Variants in DAB1 observed in about 807,000 individuals in gnomAD.
DAB1 encodes DAB adaptor protein 1, also known as disabled homolog 1.
Under a neutral mutation model 64.6 loss-of-function variants are expected in DAB1, and 15 were observed. The ratio of observed to expected loss-of-function variants is 0.23; its 90% CI spans 0.16 to 0.36. DAB1 has a LOEUF of 0.36. Among genes scored for constraint, DAB1 ranks in the 10% least tolerant of loss-of-function variants. The pLI, the probability that DAB1 is intolerant of heterozygous loss-of-function variation, is 1.00. For missense variants in DAB1, 596 were observed against 706.7 expected, an observed-to-expected ratio of 0.84 and a Z score of 1.78; for synonymous variants, 235 against 251.9, an observed-to-expected ratio of 0.93 and a Z score of 0.64.
At chr1:58,197,565 T>G (rs1360563520) in intron 4 of DAB1, among the ~76,000 whole-genome samples, 9 of 151,922 alleles carry the variant, frequency 5.9e-5, no homozygotes, top group East Asian at 1.9e-4. Flanking sequence ...CTAGTTTTTT[T>G]TGTGTTTTTT....
chr1:57,240,621 C>G (rs1329568449), intron 2 of DAB1, among the ~76,000 whole-genome samples: 1 of 152,002 alleles, frequency 6.6e-6, no homozygotes, highest in Non-Finnish European at 1.5e-5. Flanking sequence ...GATTGTATGC[C>G]CAATATTGCT....
At chr1:57,822,703 G>A (rs1010330810), downstream of DAB1, among the ~76,000 whole-genome samples, 15 of 152,094 alleles carry the variant, frequency 9.9e-5, no homozygotes, top group Middle Eastern at 3.4e-3. Context: ...GAAATATAAC[G>A]TCAGCCACAT....
chr1:57,397,959 C>G (rs941334937), intron 1 of DAB1, among the ~76,000 whole-genome samples: 5 of 152,186 alleles, frequency 3.3e-5, no homozygotes, highest in African/African-American at 1.2e-4. Flanking sequence ...AGTGTTTAGC[C>G]TGTTATTCTG....
chr1:58,273,784 TC>T (rs1161834714), intron 4 of DAB1, among the ~76,000 whole-genome samples: 2 of 85,028 alleles, frequency 2.4e-5, no homozygotes, highest in East Asian at 1.0e-3. Context: ...TGATACCCTT[TC>T]TTCCAGTTGA....
At chr1:58,160,205 T>C (rs1315011833) in intron 4 of DAB1, among the ~76,000 whole-genome samples, 1 of 151,634 alleles carries the variant, frequency 6.6e-6, no homozygotes, top group Non-Finnish European at 1.5e-5. Context: ...TAAGGAGGGG[T>C]GGTAAGAGCT....
At chr1:57,389,460 C>A (rs1442089288) in intron 1 of DAB1, among the ~76,000 whole-genome samples, 1 of 152,114 alleles carries the variant, frequency 6.6e-6, no homozygotes, top group African/African-American at 2.4e-5. Flanking sequence ...CTGCTTTGTA[C>A]CCATGTGGGT....
intron 5 of DAB1, among the ~76,000 whole-genome samples, chr1:58,134,630 C>G (rs145093262): frequency 2.0e-5 from 3 of 152,290 alleles, no homozygotes; most frequent in African/African-American, 7.2e-5. Flanking sequence ...GAAGCAGGCA[C>G]ATTTCACATG....
At chr1:57,764,376 T>A (rs1295467407) in intron 6 of DAB1, among the ~76,000 whole-genome samples, 1 of 152,214 alleles carries the variant, frequency 6.6e-6, no homozygotes, top group East Asian at 1.9e-4. Context: ...CATGTAGTGA[T>A]CAAATCATTG....
intron 6 of DAB1, among the ~76,000 whole-genome samples, chr1:57,819,827 T>A (rs971805376): frequency 7.9e-5 from 12 of 152,164 alleles, no homozygotes; most frequent in Middle Eastern, 3.2e-3. Context: ...TAGCACAGAA[T>A]AATAGCTTTA....
chr1:57,439,419 T>TTTTTTTTTTTTTTTTTTTTTTG (rs1558381247), intron 7 of DAB1, among the ~76,000 whole-genome samples: 1 of 114,276 alleles, frequency 8.8e-6, no homozygotes, highest in South Asian at 3.0e-4. Context: ...GGTGATGAGG[T>TTTTTTTTTTTTTTTTTTTTTTG]TTTTTCTTTT....
intron 5 of DAB1, among the ~76,000 whole-genome samples, chr1:57,926,261 ACT>A (rs1213780895): frequency 8.8e-6 from 1 of 113,376 alleles, no homozygotes; most frequent in Non-Finnish European, 2.1e-5. Flanking sequence ...CGTCCATAAA[ACT>A]CTCTGAGTTC....
intron 3 of DAB1, among the ~76,000 whole-genome samples, chr1:58,476,712 G>A (rs757063874): frequency 3.9e-5 from 6 of 152,116 alleles, no homozygotes; most frequent in Admixed American, 2.6e-4. Flanking sequence ...GTATACATAC[G>A]CTTAAAATGG....
intron 6 of DAB1, among the ~76,000 whole-genome samples, chr1:57,797,974 G>C (rs1650949066): frequency 6.6e-6 from 1 of 152,164 alleles, no homozygotes; most frequent in Non-Finnish European, 1.5e-5. Context: ...CTAGTAGTGT[G>C]GTTAAAACCT....
At chr1:58,045,153 G>GA (rs1647210964) in intron 5 of DAB1, among the ~76,000 whole-genome samples, 1 of 152,186 alleles carries the variant, frequency 6.6e-6, no homozygotes, top group African/African-American at 2.4e-5. Context: ...AGAGGATCCT[G>GA]AATCCTGACA....
intron 1 of DAB1, among the ~76,000 whole-genome samples, chr1:57,361,179 G>C (rs2100897724): frequency 6.6e-6 from 1 of 152,254 alleles, no homozygotes; most frequent in East Asian, 1.9e-4. Flanking sequence ...AGAAGAAACT[G>C]CAATTACAGA....
intron 7 of DAB1, among the ~76,000 whole-genome samples, chr1:57,465,758 G>GATGA (rs1217055021): frequency 6.4e-4 from 98 of 152,250 alleles, no homozygotes; most frequent in African/African-American, 2.3e-3. Context: ...ATGAAGAACA[G>GATGA]ATGAATGAAT....
chr1:57,301,669 C>G (rs1034576936), intron 1 of DAB1, among the ~76,000 whole-genome samples: 2 of 152,182 alleles, frequency 1.3e-5, no homozygotes, highest in East Asian at 3.9e-4. Context: ...CTTCCACAAG[C>G]TGCATTTCAT....
chr1:58,118,577 T>TAC (rs1491053468), intron 5 of DAB1, among the ~76,000 whole-genome samples: 2 of 81,620 alleles, frequency 2.5e-5, no homozygotes, highest in African/African-American at 1.4e-4. Flanking sequence ...TATATATATA[T>TAC]ACATATATAT....
intron 8 of DAB1, among the ~76,000 whole-genome samples, chr1:57,069,049 A>C (rs55805103): frequency 0.018 from 2,780 of 152,266 alleles, 88 homozygotes; most frequent in African/African-American, 0.063. Context: ...GAAATAAAGG[A>C]CCCTAATTGT....
Sources: gnomAD v4.1 joint callset for allele counts (sites outside exome capture counted in the v4.1 genomes callset) on GRCh38, gnomAD v4.1.1 for gene constraint, MANE v1.5 for transcripts, NCBI Gene and HGNC (gene_info 2026-07-23, HGNC 2026-07-21) for gene names.